KIF22: variants seen among roughly 807,000 people sequenced by gnomAD.
KIF22 encodes kinesin family member 22.
Under a neutral mutation model 73.0 loss-of-function variants are expected in KIF22, and 62 were observed. That is an observed-to-expected ratio of 0.85 (90% CI 0.69 to 1.05). The LOEUF is 1.05. KIF22 is among the 50% of genes least tolerant of loss of function. The pLI is 0.00. For synonymous variants in KIF22, 411 were observed against 340.1 expected, an observed-to-expected ratio of 1.21 and a Z score of -2.29; for missense variants, 854 against 870.1, an observed-to-expected ratio of 0.98 and a Z score of 0.23.
rs763450194 is a variant in KIF22, at chr16:29,798,333, C to T, written c.267-41C>T. On this transcript the variant is annotated intron_variant, in intron 2 of 13. Coordinates refer to ENST00000160827, the MANE Select transcript of KIF22 (RefSeq NM_007317.3). The surrounding 1 kb of genome is among the most constrained non-coding windows in gnomAD (Gnocchi z 4.1). ...CCCCTTACACACACACACACACACA[C>T]ACACACACACACACGCTAATTTCTT... 4 of 1,568,834 alleles carry T rather than the reference C, an allele frequency of 2.5e-6. No homozygotes were observed. The highest frequency in any genetic ancestry group is 2.2e-4 in the Middle Eastern group (1 of 4,614).
At chr16:29,791,448 C>G (rs1164380686) in intron 1 of KIF22, 1 of 161,564 alleles carries the variant, frequency 6.2e-6, no homozygotes. Flanking sequence ...GTTAGGACAC[C>G]CAAAATCTTG....
At chr16:29,790,949 C>G in intron 1 of KIF22, 120 bp downstream of exon 1, 3 of 1,504,360 alleles carry the variant, frequency 2.0e-6, no homozygotes, top group African/African-American at 2.8e-5. Flanking sequence ...GGCGCAGGGG[C>G]GGGGAGAGGG....
Position 29,805,016 on chromosome 16 carries a change from C to T in KIF22, c.1880C>T (p.Pro627Leu), listed in dbSNP as rs1899312601. 7.5e-6 allele frequency: 12 copies of T among 1,610,714 alleles called. No homozygotes were observed. The highest frequency in any genetic ancestry group is 1.0e-5 in the Non-Finnish European group (12 of 1,178,630). Residue 627 changes from proline to leucine, a missense_variant, in exon 12 of 14, where the codon CCC becomes CTC. By Grantham distance (98) the Pro-to-Leu change is moderately conservative. Transcript: ENST00000160827. The stretch of plus-strand genomic sequence containing the variant: ...GTGGGCTGGCGGGAGCTCCACGGCC[C>T]CTTCAGCCAGGTAGCAGCCCACTGG... ...LIVGWRELHG[P>L]FSQVEDLERV...
chr16:29,800,029 T>G lies in KIF22; in HGVS notation c.1261T>G (p.Ser421Ala). 1 of 1,612,512 alleles carries G rather than the reference T, an allele frequency of 6.2e-7. No individual in the cohort carries two copies. Among genetic ancestry groups the G allele is most frequent in the South Asian group, 1.1e-5 (1 of 91,050 alleles). The change falls in exon 8 of 14, where the codon TCT becomes GCT. Residue 421 changes from serine to alanine, a missense_variant. Ser to Ala is a moderately conservative substitution (Grantham distance 99). Coordinates refer to ENST00000160827, the MANE Select transcript of KIF22 (RefSeq NM_007317.3). ...CCCTGAGCCCATGGCAGCTCCAGCC[T>G]CTGCCTCCCAGAAACTCAGGTGAGC... is the stretch of plus-strand genomic sequence containing the variant. Reference protein sequence around the residue: ...GSPEPMAAPASASQKLSPLQK... With the variant: ...GSPEPMAAPAAASQKLSPLQK...
chr16:29,802,967 T>C, intron 9 of KIF22, 30 bp downstream of exon 9: 1 of 1,604,568 alleles, frequency 6.2e-7, no homozygotes, highest in East Asian at 2.2e-5. Context: ...GGGAGCTGGA[T>C]TCCTATTGGC....
intron 8 of KIF22, among the ~76,000 whole-genome samples, chr16:29,802,563 A>G (rs184898317): frequency 2.6e-5 from 4 of 152,230 alleles, no homozygotes; most frequent in African/African-American, 4.8e-5. Context: ...CTGGCACTCA[A>G]GTGTTCGCCT....
In KIF22 at chr16:29,799,256, A is replaced by AC; in HGVS notation, c.760-3dup. 6.2e-7 allele frequency: 1 copy of AC among 1,612,792 alleles called. No homozygotes were observed. Among genetic ancestry groups the AC allele is most frequent in the Non-Finnish European group, 8.5e-7 (1 of 1,179,322 alleles). ...AGCTAAGCACGAGACCTTTGTTCTTACCCCCAGGTGGACCAGCGGGAACGT... is the reference window on the plus strand; with the variant it reads ...AGCTAAGCACGAGACCTTTGTTCTTACCCCCCAGGTGGACCAGCGGGAACGT... On this transcript the variant is annotated splice_polypyrimidine_tract_variant and splice_region_variant and intron_variant, in intron 5 of 13. Coordinates refer to ENST00000160827, the MANE Select transcript of KIF22 (RefSeq NM_007317.3).
Position 29,805,119 on chromosome 16 carries a change from A to T in KIF22, c.1895A>T (p.Glu632Val), listed in dbSNP as rs1899323583. The change falls in exon 13 of 14, where the codon GAG becomes GTG. Residue 632 changes from glutamate (E) to valine (V), a missense_variant. By Grantham distance (121) the Glu-to-Val change is moderately radical. Coordinates refer to ENST00000160827, the MANE Select transcript of KIF22 (RefSeq NM_007317.3). ...RELHGPFSQV[E>V]DLERVEGITG... The stretch of plus-strand genomic sequence containing the variant: ...CTATCGATCCTGTCCCGCCAGGTGG[A>T]GGACCTGGAACGCGTGGAGGGCATA... The T allele has an allele frequency of 6.2e-7, 1 of 1,611,966 alleles. No homozygotes were observed. Among genetic ancestry groups the T allele is most frequent in the Non-Finnish European group, 8.5e-7 (1 of 1,179,774 alleles).
At chr16:29,802,582 G>A (rs767042431) in intron 8 of KIF22, among the ~76,000 whole-genome samples, 187 bp from the exon 9 acceptor site, 2 of 152,134 alleles carry the variant, frequency 1.3e-5, no homozygotes, top group Admixed American at 6.5e-5. Context: ...CTGATTTCCT[G>A]GCATCCCCGA....
rs2142370412 is a variant in KIF22 at position 29,797,151 on chromosome 16, T to C, written c.266+63T>C. 1 of 1,226,592 alleles carries C rather than the reference T, an allele frequency of 8.2e-7. No homozygotes were observed. Among genetic ancestry groups the C allele is most frequent in the Non-Finnish European group, 1.1e-6 (1 of 877,370 alleles). The allele number at this position is 1,226,592 out of a possible 1,614,324, so 76.0% of individuals were successfully genotyped here. ...CCTCCCTCTCCTAGGCCTGCCCACG[T>C]TCCCCTGCCTCCCCAGGATCCTTGC... On this transcript the variant is annotated intron_variant, in intron 2 of 13. Coordinates refer to ENST00000160827, the MANE Select transcript of KIF22 (RefSeq NM_007317.3). This position sits in a 1 kb window ranked among gnomAD's most constrained non-coding sequence, Gnocchi z 4.1.
At chr16:29,793,540 C>T (rs1017307015) in intron 1 of KIF22, among the ~76,000 whole-genome samples, 1 of 152,132 alleles carries the variant, frequency 6.6e-6, no homozygotes, top group African/African-American at 2.4e-5. Context: ...TTACTGAAGC[C>T]AAGAGGGCGG....
intron 12 of KIF22, 34 bp downstream of exon 12, chr16:29,805,060 C>CGGGGGGGGGG: frequency 1.5e-4 from 125 of 845,712 alleles, no homozygotes; most frequent in Middle Eastern, 5.1e-4. Context: ...AGGGCGGGGG[C>CGGGGGGGGGG]GGGGGAGACC....
chr16:29,790,905 C>G lies in KIF22; in HGVS notation c.70+76C>G. On this transcript the variant is annotated intron_variant, in intron 1 of 13. Transcript: ENST00000160827. ...GGGAGTTATGTGTCGGAGTGTGGTCCAGGCTCTGCGGGTTGTCGCGGAGAG... is the reference window on the plus strand; with the variant it reads ...GGGAGTTATGTGTCGGAGTGTGGTCGAGGCTCTGCGGGTTGTCGCGGAGAG... 1.9e-6 allele frequency: 3 copies of G among 1,541,744 alleles called. No individual in the cohort carries two copies. The South Asian group carries it at 3.6e-5, about 18-fold the overall frequency.
In KIF22 at chr16:29,804,672, G is replaced by A. The variant is rs149571888; in HGVS notation, c.1678-142G>A. On this transcript the variant is annotated intron_variant, in intron 11 of 13. Coordinates refer to ENST00000160827, the MANE Select transcript of KIF22 (RefSeq NM_007317.3). ...TAAGAATTAACCCAGAGAGTGACCT[G>A]AGGGCGGGATTTTGGACACACTTGA... 1.2e-5 allele frequency: 9 copies of A among 721,578 alleles called. No homozygotes were observed. The African/African-American group carries it at 1.4e-4, about 11-fold the overall frequency. The allele number at this position is 721,578 out of a possible 1,614,324, so 44.7% of individuals were successfully genotyped here.
At chr16:29,793,369 G>A (rs919699811) in intron 1 of KIF22, among the ~76,000 whole-genome samples, 1 of 152,194 alleles carries the variant, frequency 6.6e-6, no homozygotes, top group Non-Finnish European at 1.5e-5. Context: ...GAACCGGGAG[G>A]CGGAGATTGC....
chr16:29,799,616 T>A lies in KIF22; in HGVS notation c.991-12T>A, dbSNP rs1379600106. ...GGCTTCTGACCCACCCACTGCCTGG[T>A]CTCACCCTCAGGACTCTCTGGGTGG... On this transcript the variant is annotated splice_polypyrimidine_tract_variant and intron_variant, in intron 6 of 13. Coordinates refer to ENST00000160827, the MANE Select transcript of KIF22 (RefSeq NM_007317.3). 2.5e-6 allele frequency: 4 copies of A among 1,613,868 alleles called. No individual in the cohort carries two copies. Among genetic ancestry groups the A allele is most frequent in the Non-Finnish European group, 2.5e-6 (3 of 1,179,950 alleles).
intron 1 of KIF22, 131 bp from the exon 2 acceptor site, chr16:29,796,762 C>A: frequency 2.5e-6 from 2 of 805,336 alleles, no homozygotes; most frequent in Non-Finnish European, 4.1e-6. Flanking sequence ...TTAGGGGTGT[C>A]CACAACATGA....
chr16:29,803,511 G>A lies in KIF22; in HGVS notation c.1512G>A (p.Lys504=). The change falls in exon 10 of 14, where the codon AAG becomes AAA. Residue 504 remains lysine (K), a synonymous_variant. Transcript: ENST00000160827. The part of the protein sequence containing the change: ...AKMLAQKAEE[K]ENHCPTMLRP... ...TGTTGGCCCAGAAGGCTGAGGAAAA[G>A]GAGAACCATTGTCCCACAATGCTCC... The A allele has an allele frequency of 6.2e-7, 1 of 1,614,222 alleles. No individual in the cohort carries two copies. The highest frequency in any genetic ancestry group is 8.5e-7 in the Non-Finnish European group (1 of 1,180,034).
chr16:29,790,825 C>T lies in KIF22; in HGVS notation c.66C>T (p.Ile22=). Residue 22 remains isoleucine (I), a synonymous_variant, in exon 1 of 14, where the codon ATC becomes ATT. Coordinates refer to ENST00000160827, the MANE Select transcript of KIF22 (RefSeq NM_007317.3). ...REMAAASAAA[I]SGAGRCRLSK... Reference sequence around the variant, plus strand: ...TGGCGGCAGCTTCAGCGGCGGCGATCTCAGGTACTTGAGCCCGGCCTGGGC... The same window carrying T: ...TGGCGGCAGCTTCAGCGGCGGCGATTTCAGGTACTTGAGCCCGGCCTGGGC... 2 of 1,601,314 alleles carry T rather than the reference C, an allele frequency of 1.2e-6. No individual in the cohort carries two copies. The highest frequency in any genetic ancestry group is 1.7e-6 in the Non-Finnish European group (2 of 1,174,142).
Sources: allele counts gnomAD v4.1 joint callset (sites outside exome capture counted in the v4.1 genomes callset), GRCh38; gene constraint gnomAD v4.1.1; non-coding constraint Gnocchi (gnomAD v3.1); transcripts MANE v1.5; gene names NCBI Gene and HGNC (gene_info 2026-07-23, HGNC 2026-07-21).